FBXL17: variants seen among roughly 807,000 people sequenced by gnomAD.
The protein encoded by FBXL17 is F-box/LRR-repeat protein 17.
In FBXL17, 22 loss-of-function variants were observed where a neutral mutation model predicts 66.2. That is an observed-to-expected ratio of 0.33 (90% confidence interval 0.24 to 0.47). The LOEUF is 0.47. Among genes scored for constraint, FBXL17 ranks in the 20% least tolerant of loss-of-function variants. FBXL17 has a pLI of 1.00. For missense variants in FBXL17, 878 were observed against 948.2 expected, an observed-to-expected ratio of 0.93 and a Z score of 0.97; for synonymous variants, 474 against 400.5, an observed-to-expected ratio of 1.18 and a Z score of -2.19.
intron 2 of FBXL17, among the ~76,000 whole-genome samples, chr5:108,366,790 T>C (rs542814620): frequency 2.0e-5 from 3 of 152,202 alleles, no homozygotes; most frequent in East Asian, 3.9e-4. Context: ...TTTAACCTCT[T>C]ACCAATGAAG....
chr5:108,068,541 C>T (rs1748205941), intron 6 of FBXL17, among the ~76,000 whole-genome samples: 1 of 151,982 alleles, frequency 6.6e-6, no homozygotes, highest in South Asian at 2.1e-4. Context: ...CTGCAACCTC[C>T]ACCTCCCGGG....
intron 7 of FBXL17, among the ~76,000 whole-genome samples, chr5:107,971,176 T>G: frequency 6.6e-6 from 1 of 152,150 alleles, no homozygotes; most frequent in Admixed American, 6.6e-5. Context: ...CATGGAAAAC[T>G]TCACCAGGCA....
rs35044199 is a variant in FBXL17 at position 108,186,965 on chromosome 5, AT to A, written c.1615-719del. On this transcript the variant is annotated intron_variant, in intron 5 of 8. Transcript: ENST00000542267. ...ATGCCATTTCTGTATAGATTTTTTT[AT>A]TTTTTTAAAGATGAAATATGACTAA... Among the ~76,000 whole-genome samples, 989 of 152,012 alleles carry A rather than the reference AT, an allele frequency of 6.5e-3. 11 individuals are homozygous for A. The highest frequency in any genetic ancestry group is 0.023 in the African/African-American group (946 of 41,464).
Position 108,381,174 on chromosome 5 carries a change from G to T in FBXL17, c.518C>A (p.Pro173His). Reference sequence around the variant, plus strand: ...CCCCCGGAAGAGCTGCACGGCGGCGGGCGGCCCCAGGAAGCGCACCGGCCC... The same window carrying T: ...CCCCCGGAAGAGCTGCACGGCGGCGTGCGGCCCCAGGAAGCGCACCGGCCC... ...SLGPVRFLGP[P>H]AAVQLFRGPT... Residue 173 changes from proline to histidine, a missense_variant, in exon 1 of 9, where the codon CCC becomes CAC. Physicochemically the swap from Pro to His is moderately conservative, Grantham distance 77. Around this residue, in one of 4 missense-constraint regions of FBXL17, gnomAD observed 605 missense variants for 509.5 expected, o/e 1.19. Transcript: ENST00000542267. 1 of 1,430,458 alleles carries T rather than the reference G, an allele frequency of 7.0e-7. No individual in the cohort carries two copies. The highest frequency in any genetic ancestry group is 1.4e-5 in the South Asian group (1 of 71,530). The allele number at this position is 1,430,458 out of a possible 1,614,324, so 88.6% of individuals were successfully genotyped here.
intron 4 of FBXL17, among the ~76,000 whole-genome samples, chr5:108,249,099 A>T (rs1756235335): frequency 6.6e-6 from 1 of 152,168 alleles, no homozygotes; most frequent in African/African-American, 2.4e-5. Flanking sequence ...TCAGTCCAGG[A>T]TGAGAAAAGT....
intron 5 of FBXL17, among the ~76,000 whole-genome samples, chr5:108,216,457 T>G (rs1192788314): frequency 1.3e-5 from 2 of 152,204 alleles, no homozygotes; most frequent in Admixed American, 1.3e-4. Context: ...GGTTTTCCTT[T>G]ATTTCATTTG....
In FBXL17 at chr5:108,021,063, T is replaced by C. The variant is rs1337311755; in HGVS notation, c.1746-62A>G. ...CAAGTTAAATTAGCAGGGGTTTGAATATAATAGGAAGAGGTCAGTATTTGG... is the reference window on the plus strand; with the variant it reads ...CAAGTTAAATTAGCAGGGGTTTGAACATAATAGGAAGAGGTCAGTATTTGG... On this transcript the variant is annotated intron_variant, in intron 6 of 8. Transcript: ENST00000542267. 5.0e-6 allele frequency: 6 copies of C among 1,210,088 alleles called. No homozygotes were observed. In the African/African-American group the frequency reaches 7.4e-5, roughly 15 times the overall value. 75.0% of individuals were successfully genotyped at this position (1,210,088 alleles called of 1,614,324 possible).
chr5:108,225,220 A>T (rs566162400), intron 4 of FBXL17, among the ~76,000 whole-genome samples: 1 of 152,292 alleles, frequency 6.6e-6, no homozygotes, highest in African/African-American at 2.4e-5. Context: ...ATCAAGGTTC[A>T]TCCATGTTGT....
chr5:108,129,767 G>T (rs1750857665), intron 6 of FBXL17, among the ~76,000 whole-genome samples: 1 of 149,082 alleles, frequency 6.7e-6, no homozygotes, highest in Admixed American at 6.8e-5. Flanking sequence ...ATAGAACAAA[G>T]ATTTTCAAAA....
At position 108,278,767 on chromosome 5, in the gene FBXL17, T is replaced by A. The variant is rs140900237; in HGVS notation, c.1507-54539A>T. 4.2e-3 allele frequency among the ~76,000 whole-genome samples: 646 copies of A among 152,262 alleles called. 4 individuals are homozygous for A. The highest frequency in any genetic ancestry group is 0.015 in the African/African-American group (623 of 41,556). The stretch of plus-strand genomic sequence containing the variant: ...ACCTCAATGCTGCAGTAGCCACCAC[T>A]CACCCAAGCATTCTGCCAGGGGCCT... On this transcript the variant is annotated intron_variant, in intron 4 of 8. Transcript: ENST00000542267.
At chr5:108,338,704 A>C (rs1021679423) in intron 4 of FBXL17, among the ~76,000 whole-genome samples, 10 of 151,036 alleles carry the variant, frequency 6.6e-5, no homozygotes, top group African/African-American at 2.4e-4. Context: ...CTGGCTTTTA[A>C]ATTTCTTGGC....
At chr5:108,364,150 T>C (rs182369491) in intron 3 of FBXL17, among the ~76,000 whole-genome samples, 132 of 152,116 alleles carry the variant, frequency 8.7e-4, no homozygotes, top group African/African-American at 3.0e-3. Flanking sequence ...AATTCATACA[T>C]AAGGTTTAAA....
At position 107,889,204 on chromosome 5, in the gene FBXL17, C is replaced by T. The variant is rs544523843; in HGVS notation, c.1823-8025G>A. On this transcript the variant is annotated intron_variant, in intron 7 of 8. Transcript: ENST00000542267. ...TTACATTAAATTAATGATGGGAAGG[C>T]ACATAATTTTTCTATTATTAGATTA... Among the ~76,000 whole-genome samples the T allele has an allele frequency of 9.2e-5, 14 of 152,232 alleles. No individual in the cohort carries two copies. In the East Asian group the frequency reaches 1.4e-3, roughly 15 times the overall value.
In FBXL17 at chr5:107,971,788, A is replaced by G. The variant is rs1376605279; in HGVS notation, c.1822+49137T>C. ...GTTCACATGATTATTGGCATTTTAG[A>G]GCATACTGGGCTCACTTCCCACCCC... On this transcript the variant is annotated intron_variant, in intron 7 of 8. Coordinates refer to ENST00000542267, the MANE Select transcript of FBXL17 (RefSeq NM_001163315.3). 2.6e-5 allele frequency among the ~76,000 whole-genome samples: 4 copies of G among 152,154 alleles called. No individual in the cohort carries two copies. In the South Asian group the frequency reaches 6.2e-4, roughly 24 times the overall value.
At chr5:107,928,450 C>T (rs57164353) in intron 7 of FBXL17, among the ~76,000 whole-genome samples, 10,569 of 151,454 alleles carry the variant, frequency 0.07, 1,275 homozygotes, top group African/African-American at 0.24. Context: ...AAAGATGACC[C>T]CCACCCCAAA....
At chr5:108,311,204 C>T (rs146242352) in intron 4 of FBXL17, among the ~76,000 whole-genome samples, 12 of 151,974 alleles carry the variant, frequency 7.9e-5, no homozygotes. Context: ...GGAGTCTCGC[C>T]GTTGTTACCC....
intron 4 of FBXL17, among the ~76,000 whole-genome samples, chr5:108,347,752 T>C (rs1183599091): frequency 6.6e-6 from 1 of 152,086 alleles, no homozygotes; most frequent in Non-Finnish European, 1.5e-5. Flanking sequence ...AAATTAGACA[T>C]TGGTAATGAC....
intron 6 of FBXL17, among the ~76,000 whole-genome samples, chr5:108,095,383 G>A (rs2149934475): frequency 6.6e-6 from 1 of 152,098 alleles, no homozygotes; most frequent in South Asian, 2.1e-4. Flanking sequence ...GAGAGGGGAT[G>A]ATATTTATGT....
rs780438502 is a variant in FBXL17, at chr5:107,861,769, C to T, written c.2057G>A (p.Arg686Lys). 1.3e-6 allele frequency: 2 copies of T among 1,588,152 alleles called. No homozygotes were observed. Among genetic ancestry groups the T allele is most frequent in the Admixed American group, 3.5e-5 (2 of 57,192 alleles). ...GGGGGTCCAGCCCATCTGATAGGCT[C>T]TCTCCAAGGTCCTCTTGCAGTCCTG... ...VLQDCKRTLE[R>K]AYQMGWTPNM... The change falls in exon 9 of 9, where the codon AGA becomes AAA. Residue 686 changes from arginine (R) to lysine (K), a missense_variant. This residue lies in a region of FBXL17 where 31 missense variants were observed against 27.0 expected (regional missense o/e 1.15). Coordinates refer to ENST00000542267, the MANE Select transcript of FBXL17 (RefSeq NM_001163315.3).
Sources: allele counts gnomAD v4.1 joint callset (sites outside exome capture counted in the v4.1 genomes callset), GRCh38; gene constraint gnomAD v4.1.1; regional missense constraint gnomAD v4.1.1; transcripts MANE v1.5; gene names NCBI Gene and HGNC (gene_info 2026-07-23, HGNC 2026-07-21).